Variants in ATP6V0E1 observed in about 807,000 individuals in gnomAD.
ATP6V0E1 encodes the protein ATPase H+ transporting V0 subunit e1.
Under a neutral mutation model 11.6 loss-of-function variants are expected in ATP6V0E1, and 4 were observed. The observed-to-expected ratio is 0.35, with a 90% CI of 0.17 to 0.79. The LOEUF is 0.79. Among genes scored for constraint, ATP6V0E1 ranks in the 30% least tolerant of loss-of-function variants. The probability of loss-of-function intolerance (pLI) is 0.54; values close to 1 mark genes in which losing one functional copy is unlikely to be tolerated. For synonymous variants in ATP6V0E1, 36 were observed against 34.8 expected (o/e 1.04, Z -0.13); for missense variants, 105 against 100.0 (o/e 1.05, Z -0.21).
intron 2 of ATP6V0E1, among the ~76,000 whole-genome samples, chr5:172,995,147 A>G (rs1756045358): frequency 6.6e-6 from 1 of 152,254 alleles, no homozygotes; most frequent in African/African-American, 2.4e-5. Context: ...TCTGTCGCCC[A>G]GGCTGCAGTG....
chr5:172,996,428 G>A (rs1385745633), intron 2 of ATP6V0E1, among the ~76,000 whole-genome samples: 1 of 152,084 alleles, frequency 6.6e-6, no homozygotes, highest in Non-Finnish European at 1.5e-5. Context: ...TGGGCTTGGT[G>A]GCGCACACCT....
At chr5:172,994,969 A>G in intron 2 of ATP6V0E1, 147 bp downstream of exon 2, 1 of 629,564 alleles carries the variant, frequency 1.6e-6, no homozygotes, top group Non-Finnish European at 2.7e-6. Flanking sequence ...TGCTCAGTAT[A>G]TTTATGTAGA....
rs115546044 is a variant in ATP6V0E1, at chr5:172,992,708, A to G, written c.105-2067A>G. 3.7e-3 allele frequency among the ~76,000 whole-genome samples: 569 copies of G among 152,288 alleles called. 2 individuals are homozygous for G. Among genetic ancestry groups the G allele is most frequent in the African/African-American group, 0.012 (496 of 41,580 alleles). On this transcript the variant is annotated intron_variant, in intron 1 of 3. Coordinates refer to ENST00000519374, the MANE Select transcript of ATP6V0E1 (RefSeq NM_003945.4). ...TACTGACCATCTGGCATATATAGGT[A>G]GATAATTGTTGTTTGTTGTGTGTTC...
At chr5:172,999,032 A>G (rs868485176) in intron 2 of ATP6V0E1, among the ~76,000 whole-genome samples, 4 of 152,180 alleles carry the variant, frequency 2.6e-5, no homozygotes, top group South Asian at 2.1e-4. Context: ...GCTACTAAGG[A>G]GGCTGAGGCA....
At chr5:173,009,249 TAAATA>T (rs746224705) in intron 2 of ATP6V0E1, among the ~76,000 whole-genome samples, 5 of 151,330 alleles carry the variant, frequency 3.3e-5, no homozygotes, top group Admixed American at 1.3e-4. Flanking sequence ...AAAAAATAAA[TAAATA>T]AAATAAAAGA....
intron 3 of ATP6V0E1, among the ~76,000 whole-genome samples, chr5:173,029,038 T>C (rs1382786082): frequency 6.6e-6 from 1 of 152,206 alleles, no homozygotes; most frequent in East Asian, 1.9e-4. Context: ...GAAATGCTGT[T>C]TTATTATAAA....
At chr5:173,033,869 CA>C (rs887280474) in intron 3 of ATP6V0E1, among the ~76,000 whole-genome samples, 9 of 150,264 alleles carry the variant, frequency 6.0e-5, no homozygotes, top group Admixed American at 6.0e-4. Flanking sequence ...TAAAACAAAA[CA>C]AAAAAAAAGA....
chr5:173,015,164 C>G (rs1006823583), intron 2 of ATP6V0E1, among the ~76,000 whole-genome samples: 1 of 152,190 alleles, frequency 6.6e-6, no homozygotes, highest in African/African-American at 2.4e-5. Context: ...GAACAGTAAT[C>G]TGATCTGATT....
chr5:173,026,306 GTTA>G (rs1756557582), intron 3 of ATP6V0E1, among the ~76,000 whole-genome samples: 1 of 152,066 alleles, frequency 6.6e-6, no homozygotes, highest in Non-Finnish European at 1.5e-5. Flanking sequence ...TGTAATTATT[GTTA>G]TTATTTCCCC....
intron 1 of ATP6V0E1, among the ~76,000 whole-genome samples, chr5:172,988,563 T>C (rs1409272330): frequency 1.3e-5 from 2 of 152,204 alleles, no homozygotes; most frequent in Admixed American, 6.5e-5. Context: ...AATAGGCTTT[T>C]CTGTGGGGAT....
At chr5:172,985,852 T>A (rs6887998) in intron 1 of ATP6V0E1, among the ~76,000 whole-genome samples, 49,786 of 152,140 alleles carry the variant, frequency 0.33, 9,598 homozygotes, top group East Asian at 0.76. Context: ...ATGTGTTAGT[T>A]GGGCTTTTGT....
At chr5:173,011,531 CAG>C (rs960222948) in intron 2 of ATP6V0E1, among the ~76,000 whole-genome samples, 1 of 152,070 alleles carries the variant, frequency 6.6e-6, no homozygotes, top group African/African-American at 2.4e-5. Flanking sequence ...TAATGGGACT[CAG>C]GAGTCCTGGA....
At chr5:173,029,793 C>T (rs1223666934) in intron 3 of ATP6V0E1, among the ~76,000 whole-genome samples, 1 of 152,124 alleles carries the variant, frequency 6.6e-6, no homozygotes, top group African/African-American at 2.4e-5. Flanking sequence ...CCAGCGGTCC[C>T]ATGAGCCACA....
chr5:173,012,516 G>A (rs1262418751), intron 2 of ATP6V0E1, among the ~76,000 whole-genome samples: 3 of 151,946 alleles, frequency 2.0e-5, no homozygotes, highest in Non-Finnish European at 4.4e-5. Flanking sequence ...ACTTTGGGAG[G>A]CCAAGGCGGG....
At chr5:173,022,794 G>T (rs1488814366) in intron 3 of ATP6V0E1, among the ~76,000 whole-genome samples, 4 of 152,024 alleles carry the variant, frequency 2.6e-5, no homozygotes, top group Non-Finnish European at 5.9e-5. Context: ...CACCGTGCCT[G>T]GCTAATTTTT....
intron 1 of ATP6V0E1, among the ~76,000 whole-genome samples, chr5:172,991,527 T>C (rs1755977779): frequency 6.6e-6 from 1 of 151,946 alleles, no homozygotes; most frequent in African/African-American, 2.4e-5. Context: ...ATCCTAGATA[T>C]AATGTGTTTT....
Position 172,983,925 on chromosome 5 carries a change from T to A in ATP6V0E1, c.65T>A (p.Phe22Tyr). 1 of 1,613,254 alleles carries A rather than the reference T, an allele frequency of 6.2e-7. No individual in the cohort carries two copies. The highest frequency in any genetic ancestry group is 8.5e-7 in the Non-Finnish European group (1 of 1,179,812). The change falls in exon 1 of 4, where the codon TTC (phenylalanine) becomes TAC (tyrosine). Residue 22 changes from phenylalanine (F) to tyrosine (Y), a missense_variant. Coordinates refer to ENST00000519374, the MANE Select transcript of ATP6V0E1 (RefSeq NM_003945.4). ...AGCGTGTTCTGGGGCTTCGTCGGCT[T>A]CTTGGTGCCTTGGTTCATCCCTAAG... ...VMSVFWGFVG[F>Y]LVPWFIPKGP...
chr5:173,005,095 T>G (rs1346958921), intron 2 of ATP6V0E1, among the ~76,000 whole-genome samples: 2 of 152,026 alleles, frequency 1.3e-5, no homozygotes, highest in Non-Finnish European at 2.9e-5. Flanking sequence ...TCTTTGTGCT[T>G]CAAGATTGTT....
intron 1 of ATP6V0E1, among the ~76,000 whole-genome samples, chr5:172,990,068 C>T (rs1416136594): frequency 6.6e-6 from 1 of 152,092 alleles, no homozygotes; most frequent in Non-Finnish European, 1.5e-5. Flanking sequence ...GAACTCCTGA[C>T]TTCAAGCAGT....
Sources: allele counts gnomAD v4.1 joint callset (sites outside exome capture counted in the v4.1 genomes callset), GRCh38; gene constraint gnomAD v4.1.1; transcripts MANE v1.5; gene names NCBI Gene and HGNC (gene_info 2026-07-23, HGNC 2026-07-21).